The following ACSL3 variants were observed in gnomAD, a reference collection of about 807,000 sequenced individuals.
ACSL3 encodes the protein fatty acid CoA ligase Acsl3.
In ACSL3, 34 loss-of-function variants were observed where a neutral mutation model predicts 84.7. The observed-to-expected ratio is 0.40, with a 90% CI of 0.31 to 0.53. The LOEUF (loss-of-function observed/expected upper bound fraction) is 0.53, where lower values mean the gene tolerates loss of function less well. Among genes scored for constraint, ACSL3 ranks in the 20% least tolerant of loss-of-function variants. The pLI is 0.48. For missense variants in ACSL3, 680 were observed against 873.1 expected (o/e 0.78, Z 2.79); for synonymous variants, 315 against 299.4 (o/e 1.05, Z -0.54).
chr2:222,923,980 C>G (rs1696807616), intron 10 of ACSL3, among the ~76,000 whole-genome samples: 1 of 152,148 alleles, frequency 6.6e-6, no homozygotes, highest in Admixed American at 6.5e-5. Context: ...TATCGAAAGT[C>G]AAATAGCCAA....
At chr2:222,905,442 T>C (rs1696268895) in intron 3 of ACSL3, among the ~76,000 whole-genome samples, 1 of 152,232 alleles carries the variant, frequency 6.6e-6, no homozygotes, top group Non-Finnish European at 1.5e-5. Context: ...ATTACAGGCA[T>C]GAGCCACCAT....
At chr2:222,911,938 A>G (rs554706279) in intron 4 of ACSL3, among the ~76,000 whole-genome samples, 3 of 152,330 alleles carry the variant, frequency 2.0e-5, no homozygotes, top group Admixed American at 1.3e-4. Context: ...ATAGTTCATT[A>G]CTGTGAAGTT....
At chr2:222,938,545 A>C (rs1394631360) in intron 16 of ACSL3, among the ~76,000 whole-genome samples, 1 of 152,076 alleles carries the variant, frequency 6.6e-6, no homozygotes, top group Non-Finnish European at 1.5e-5. Context: ...GTATGTGATG[A>C]GTCATTTTTC....
chr2:222,924,574 G>GT lies in ACSL3; in HGVS notation c.1272dup (p.Asn425Ter). 1 of 1,607,166 alleles carries GT rather than the reference G, an allele frequency of 6.2e-7. No homozygotes were observed. On this transcript the variant is annotated frameshift_variant, in exon 11 of 17. Transcript: ENST00000357430. LOFTEE classifies it high-confidence loss of function. ...AAAATGGAACAGATTTCAAAAGGAC[G>GT]TAATACTCCACTGTGCGACAGGTAA... is the stretch of plus-strand genomic sequence containing the variant.
Position 222,909,037 on chromosome 2 carries a change from G to A in ACSL3, c.265G>A (p.Asp89Asn). 1 of 1,613,376 alleles carries A rather than the reference G, an allele frequency of 6.2e-7. No homozygotes were observed. Among genetic ancestry groups the A allele is most frequent in the Non-Finnish European group, 8.5e-7 (1 of 1,179,806 alleles). ...SVLYPGCDTL[D>N]KVFTYAKNKF... ...ATTATACCCTGGATGTGATACTTTAGATAAAGTTTTTACATATGCAAAAAA... is the reference window on the plus strand; with the variant it reads ...ATTATACCCTGGATGTGATACTTTAAATAAAGTTTTTACATATGCAAAAAA... The change falls in exon 4 of 17, where the codon GAT (aspartate) becomes AAT (asparagine). Residue 89 changes from aspartate (D) to asparagine (N), a missense_variant. Asp to Asn is a conservative substitution (Grantham distance 23, BLOSUM62 1). Around this residue, in one of 2 missense-constraint regions of ACSL3, gnomAD observed 333 missense variants for 347.5 expected, o/e 0.96. Coordinates refer to ENST00000357430, the MANE Select transcript of ACSL3 (RefSeq NM_004457.5).
intron 3 of ACSL3, among the ~76,000 whole-genome samples, chr2:222,906,775 C>G (rs1696304570): frequency 6.6e-6 from 1 of 152,092 alleles, no homozygotes; most frequent in Non-Finnish European, 1.5e-5. Flanking sequence ...CCATCACGCC[C>G]AGCTAATTTT....
chr2:222,919,446 A>G, intron 7 of ACSL3: 1 of 325,114 alleles, frequency 3.1e-6, no homozygotes, highest in Non-Finnish European at 5.5e-6. Context: ...AATATTTTAC[A>G]TTCAGTTTTC....
chr2:222,906,881 G>C (rs562183965), intron 3 of ACSL3, among the ~76,000 whole-genome samples: 1 of 152,266 alleles, frequency 6.6e-6, no homozygotes, highest in Admixed American at 6.5e-5. Context: ...CCAAAGTACT[G>C]GGCAGCCTCA....
At chr2:222,880,983 TTCTG>T (rs1695579080) in intron 1 of ACSL3, among the ~76,000 whole-genome samples, 1 of 152,220 alleles carries the variant, frequency 6.6e-6, no homozygotes, top group Non-Finnish European at 1.5e-5. Context: ...ACAATAATGA[TTCTG>T]TCTTTTTCAG....
intron 2 of ACSL3, among the ~76,000 whole-genome samples, chr2:222,893,526 C>T (rs1422066191): frequency 1.3e-5 from 2 of 152,060 alleles, no homozygotes; most frequent in East Asian, 3.8e-4. Context: ...CTCTCTTGCG[C>T]CTAAGAGATT....
chr2:222,885,510 G>A (rs1695698003), intron 1 of ACSL3, among the ~76,000 whole-genome samples: 1 of 152,106 alleles, frequency 6.6e-6, no homozygotes, highest in Non-Finnish European at 1.5e-5. Context: ...AATATACATA[G>A]CCTGCTTTCT....
intron 1 of ACSL3, among the ~76,000 whole-genome samples, chr2:222,877,795 C>T (rs1008415071): frequency 6.6e-6 from 1 of 152,070 alleles, no homozygotes; most frequent in East Asian, 1.9e-4. Context: ...ATAATTTACC[C>T]GTAGACAATT....
In ACSL3 at chr2:222,938,850, C is replaced by T. The variant is rs183439643; in HGVS notation, c.2006-2647C>T. Among the ~76,000 whole-genome samples, 624 of 152,208 alleles carry T rather than the reference C, an allele frequency of 4.1e-3. 2 individuals carry two copies. The highest frequency in any genetic ancestry group is 0.02 in the Middle Eastern group (6 of 294). On this transcript the variant is annotated intron_variant, in intron 16 of 16. Coordinates refer to ENST00000357430, the MANE Select transcript of ACSL3 (RefSeq NM_004457.5). Reference sequence around the variant, plus strand: ...CTCTTAGTAATTTCAGAAGTCCTGTCTTGGAGTTCATAGATTCTTTTTTCT... The same window carrying T: ...CTCTTAGTAATTTCAGAAGTCCTGTTTTGGAGTTCATAGATTCTTTTTTCT...
At chr2:222,910,936 C>G (rs1256231162) in intron 4 of ACSL3, among the ~76,000 whole-genome samples, 1 of 152,120 alleles carries the variant, frequency 6.6e-6, no homozygotes, top group Admixed American at 6.5e-5. Context: ...AAATTGAAAT[C>G]ATGAGTTAAG....
chr2:222,943,826 T>C lies in ACSL3; in HGVS notation c.*2172T>C, dbSNP rs990558449. The C allele has an allele frequency of 7.9e-5, 12 of 152,136 alleles. No individual in the cohort carries two copies. The highest frequency in any genetic ancestry group is 2.7e-4 in the African/African-American group (11 of 41,448). 9.4% of individuals were successfully genotyped at this position (152,136 alleles called of 1,614,324 possible). A position where few individuals can be genotyped will look rare whatever the true frequency, so the allele number is the denominator to read the frequency against. ...GAAAAAACCACTCAATTATGACTCA[T>C]ATAAGAAATACTGGTTTAACCAGGA... On this transcript the variant is annotated 3_prime_UTR_variant, in exon 17 of 17. Coordinates refer to ENST00000357430, the MANE Select transcript of ACSL3 (RefSeq NM_004457.5).
intron 1 of ACSL3, among the ~76,000 whole-genome samples, chr2:222,884,004 A>G (rs1695661975): frequency 1.3e-5 from 2 of 152,178 alleles, no homozygotes; most frequent in Non-Finnish European, 2.9e-5. Context: ...ACATAGACAT[A>G]TTTTAAAATT....
At chr2:222,906,705 C>T (rs1696302623) in intron 3 of ACSL3, among the ~76,000 whole-genome samples, 1 of 152,016 alleles carries the variant, frequency 6.6e-6, no homozygotes, top group African/African-American at 2.4e-5. Context: ...ATCTCCGCCT[C>T]CCAGGTTCAA....
intron 1 of ACSL3, among the ~76,000 whole-genome samples, chr2:222,865,948 T>C (rs1695126990): frequency 6.6e-6 from 1 of 152,236 alleles, no homozygotes; most frequent in South Asian, 2.1e-4. Context: ...CTGCACATTT[T>C]CCCCTGTCCT....
chr2:222,890,705 A>G (rs1456896557), intron 2 of ACSL3, among the ~76,000 whole-genome samples: 3 of 152,106 alleles, frequency 2.0e-5, no homozygotes, highest in Non-Finnish European at 4.4e-5. Flanking sequence ...GCAGTGGCGC[A>G]ATCTTGGCTC....
Sources: allele counts gnomAD v4.1 joint callset (sites outside exome capture counted in the v4.1 genomes callset), GRCh38; gene constraint gnomAD v4.1.1; regional missense constraint gnomAD v4.1.1; transcripts MANE v1.5; gene names NCBI Gene and HGNC (gene_info 2026-07-23, HGNC 2026-07-21).